The following OR52N4 variants were observed in gnomAD, a reference collection of about 807,000 sequenced individuals.
OR52N4 encodes olfactory receptor 52N4.
OR52N4 carries 15 observed loss-of-function variants against 15.0 expected under a neutral mutation model. That is an observed-to-expected ratio of 1.00 (90% confidence interval 0.67 to 1.54). OR52N4 has a LOEUF of 1.54. OR52N4 is among the 40% of genes most tolerant of loss of function. The probability of loss-of-function intolerance (pLI) is 0.00; values close to 1 mark genes in which losing one functional copy is unlikely to be tolerated. For synonymous variants in OR52N4, 143 were observed against 143.7 expected (o/e 1.00, Z 0.03); for missense variants, 421 against 394.0 (o/e 1.07, Z -0.58).
At position 5,754,852 on chromosome 11, in the gene OR52N4, G is replaced by T. The variant is rs1348879459; in HGVS notation, c.112G>T (p.Val38Phe). 3 of 1,613,830 alleles carry T rather than the reference G, an allele frequency of 1.9e-6. No individual in the cohort carries two copies. The highest frequency in any genetic ancestry group is 2.7e-5 in the African/African-American group (2 of 75,028). The change falls in exon 2 of 2, where the codon GTT becomes TTT. Residue 38 changes from valine to phenylalanine, a missense_variant. By Grantham distance (50) the Val-to-Phe change is conservative (BLOSUM62 -1). Transcript: ENST00000641350. ...TTCCTTCCCATTCTGCTCTATGTAT[G>T]TTGTGGCTATGGTAGGGAATTGTGG... The part of the protein sequence containing the change: ...WISFPFCSMY[V>F]VAMVGNCGLL...
At chr11:5,732,560 G>A in the OR52N4 span, among the ~76,000 whole-genome samples, 1 of 152,016 alleles carries the variant, frequency 6.6e-6, no homozygotes, top group South Asian at 2.1e-4. Context: ...AAATCAATCT[G>A]TCTTTTCCTA....
chr11:5,755,908 AC>A lies in OR52N4; in HGVS notation c.*203del. The A allele has an allele frequency of 1.7e-6, 1 of 605,368 alleles. No individual in the cohort carries two copies. The highest frequency in any genetic ancestry group is 2.8e-6 in the Non-Finnish European group (1 of 356,664). 37.5% of individuals were successfully genotyped at this position (605,368 alleles called of 1,614,324 possible). On this transcript the variant is annotated 3_prime_UTR_variant, in exon 2 of 2. Coordinates refer to ENST00000641350, the MANE Select transcript of OR52N4 (RefSeq NM_001005175.5). ...ATTTCTATAAATTTTTTACCTTCTC[AC>A]TCATGTGAAGGACCAGTCTAATAAT...
the OR52N4 span, among the ~76,000 whole-genome samples, chr11:5,729,086 T>G: frequency 6.9e-6 from 1 of 145,862 alleles, no homozygotes; most frequent in African/African-American, 2.5e-5. Flanking sequence ...CCCCTTCCTG[T>G]GTCCATGTAT....
the OR52N4 span, among the ~76,000 whole-genome samples, chr11:5,735,030 C>T: frequency 6.6e-6 from 1 of 151,944 alleles, no homozygotes; most frequent in Non-Finnish European, 1.5e-5. Flanking sequence ...AGAATTGATA[C>T]AACAAAAGAA....
At chr11:5,728,701 C>A in the OR52N4 span, among the ~76,000 whole-genome samples, 1 of 152,186 alleles carries the variant, frequency 6.6e-6, no homozygotes, top group East Asian at 1.9e-4. Context: ...CTTCAAAGCT[C>A]TGTCTCTGTC....
At position 5,755,721 on chromosome 11, in the gene OR52N4, G is replaced by C; in HGVS notation, c.*15G>C. On this transcript the variant is annotated 3_prime_UTR_variant, in exon 2 of 2. Coordinates refer to ENST00000641350, the MANE Select transcript of OR52N4 (RefSeq NM_001005175.5). ...ACAGCATGTGAATGAACACTTGCCA[G>C]GAGTGAGAAGAGAAGGAAAGAATTA... 1.9e-6 allele frequency: 3 copies of C among 1,601,398 alleles called. No homozygotes were observed. Among genetic ancestry groups the C allele is most frequent in the Non-Finnish European group, 2.6e-6 (3 of 1,174,090 alleles).
At chr11:5,744,678 T>G in the OR52N4 span, among the ~76,000 whole-genome samples, 2 of 133,396 alleles carry the variant, frequency 1.5e-5, no homozygotes, top group African/African-American at 5.5e-5. Flanking sequence ...TCTGGGAGGC[T>G]GAGGCGGGTG....
At chr11:5,735,799 A>G in the OR52N4 span, among the ~76,000 whole-genome samples, 1 of 152,168 alleles carries the variant, frequency 6.6e-6, no homozygotes, top group South Asian at 2.1e-4. Context: ...TGTTTGTTAA[A>G]TAAGTTAAAA....
the OR52N4 span, chr11:5,736,478 A>C: frequency 6.3e-7 from 1 of 1,593,392 alleles, no homozygotes; most frequent in South Asian, 1.1e-5. Flanking sequence ...GTGATAACTG[A>C]GAACAATACA....
the OR52N4 span, chr11:5,737,555 A>G: frequency 2.8e-6 from 4 of 1,423,170 alleles, no homozygotes; most frequent in African/African-American, 4.3e-5. Context: ...AATTTCAAAG[A>G]GGATAAATGA....
intron 1 of OR52N4, among the ~76,000 whole-genome samples, 184 bp from the exon 2 acceptor site, chr11:5,754,509 A>AT (rs1295159914): frequency 6.6e-5 from 10 of 151,492 alleles, no homozygotes; most frequent in Non-Finnish European, 7.4e-5. Flanking sequence ...CTCAATAAGA[A>AT]TTTTTTACTG....
upstream of OR52N4, among the ~76,000 whole-genome samples, chr11:5,753,988 C>CAAA (rs60504408): frequency 7.9e-4 from 63 of 79,700 alleles, no homozygotes; most frequent in African/African-American, 2.8e-3. Context: ...GACTCTGCCT[C>CAAA]AAAAAAAAAA....
In OR52N4 at chr11:5,755,478, C is replaced by G; in HGVS notation, c.738C>G (p.His246Gln). 1.9e-6 allele frequency: 3 copies of G among 1,614,052 alleles called. No homozygotes were observed. The highest frequency in any genetic ancestry group is 1.7e-6 in the Non-Finnish European group (2 of 1,179,928). The change falls in exon 2 of 2, where the codon CAC (histidine) becomes CAG (glutamine). Residue 246 changes from histidine (H) to glutamine (Q), a missense_variant. By Grantham distance (24) the His-to-Gln change is conservative. Transcript: ENST00000641350. Reference protein sequence around the residue: ...RQKAFNTCTAHICAIVFSYTP... With the variant: ...RQKAFNTCTAQICAIVFSYTP... ...AGGCCTTTAATACCTGCACTGCCCA[C>G]ATTTGTGCCATTGTTTTCTCCTATA...
chr11:5,740,610 C>T, the OR52N4 span, among the ~76,000 whole-genome samples: 15 of 125,100 alleles, frequency 1.2e-4, 5 homozygotes, highest in East Asian at 4.2e-3. Flanking sequence ...AGGATTGAGA[C>T]CAGCCTGGGC....
At chr11:5,737,248 C>G in the OR52N4 span, 3 of 1,614,084 alleles carry the variant, frequency 1.9e-6, no homozygotes, top group South Asian at 3.3e-5. Context: ...AAGCTGCAGC[C>G]AAGGCCCTGA....
the OR52N4 span, chr11:5,736,649 C>G: frequency 6.2e-7 from 1 of 1,613,906 alleles, no homozygotes; most frequent in Non-Finnish European, 8.5e-7. Context: ...ACTACTGTAT[C>G]TCTCAGCACT....
chr11:5,736,281 C>A, the OR52N4 span: 3 of 502,600 alleles, frequency 6.0e-6, no homozygotes, highest in Admixed American at 3.4e-5. Flanking sequence ...CTATAAATTT[C>A]ATCTCCCATA....
the OR52N4 span, chr11:5,727,212 G>A: frequency 6.5e-6 from 1 of 153,170 alleles, no homozygotes; most frequent in African/African-American, 2.4e-5. Context: ...CTCGGTCCAA[G>A]GCCCTAGGGA....
upstream of OR52N4, among the ~76,000 whole-genome samples, chr11:5,750,580 G>A (rs1854169912): frequency 6.6e-6 from 1 of 151,878 alleles, no homozygotes; most frequent in Admixed American, 6.6e-5. Context: ...TGAAAAAGTA[G>A]TTTTATAAAT....
Sources: gnomAD v4.1 joint callset for allele counts (sites outside exome capture counted in the v4.1 genomes callset) on GRCh38, gnomAD v4.1.1 for gene constraint, MANE v1.5 for transcripts, NCBI Gene and HGNC (gene_info 2026-07-23, HGNC 2026-07-21) for gene names.